SPOCK1: variants seen among roughly 807,000 people sequenced by gnomAD.
SPOCK1 encodes testican-1.
A neutral mutation model predicts 55.3 loss-of-function variants in SPOCK1; 23 were observed. The observed-to-expected ratio is 0.42, with a 90% CI of 0.30 to 0.59. The LOEUF is 0.59. SPOCK1 is among the 20% of genes least tolerant of loss of function. The probability of loss-of-function intolerance (pLI) is 0.22; values close to 1 mark genes in which losing one functional copy is unlikely to be tolerated. For synonymous variants in SPOCK1, 226 were observed against 221.0 expected (o/e 1.02, Z -0.20); for missense variants, 499 against 552.5 (o/e 0.90, Z 0.97).
At chr5:137,069,872 A>C (rs1319153470) in intron 5 of SPOCK1, among the ~76,000 whole-genome samples, 1 of 152,216 alleles carries the variant, frequency 6.6e-6, no homozygotes, top group Non-Finnish European at 1.5e-5. Flanking sequence ...TTTGTTTATC[A>C]TAAAGCCTTA....
chr5:137,462,553 C>A, intron 2 of SPOCK1, among the ~76,000 whole-genome samples: 1 of 152,128 alleles, frequency 6.6e-6, no homozygotes, highest in Non-Finnish European at 1.5e-5. Flanking sequence ...TCTGTATGAC[C>A]CAGGGCAAGT....
chr5:137,245,776 C>CAAAACA (rs1756381981), intron 3 of SPOCK1, among the ~76,000 whole-genome samples: 1 of 140,870 alleles, frequency 7.1e-6, no homozygotes, highest in African/African-American at 2.5e-5. Flanking sequence ...CAAAACAAAA[C>CAAAACA]AAAAAAAAAA....
chr5:137,110,035 T>C (rs1396639931), intron 5 of SPOCK1, among the ~76,000 whole-genome samples: 3 of 152,336 alleles, frequency 2.0e-5, no homozygotes, highest in Non-Finnish European at 2.9e-5. Flanking sequence ...CAACTGCAAG[T>C]GTTCAATAAG....
chr5:137,263,683 A>G (rs1756795227), intron 3 of SPOCK1, among the ~76,000 whole-genome samples: 1 of 152,002 alleles, frequency 6.6e-6, no homozygotes, highest in South Asian at 2.1e-4. Flanking sequence ...TCAATTCTGA[A>G]CTCCTGTCCA....
intron 2 of SPOCK1, among the ~76,000 whole-genome samples, chr5:137,401,437 G>A (rs1045902141): frequency 3.3e-5 from 5 of 151,550 alleles, no homozygotes; most frequent in African/African-American, 1.2e-4. Context: ...TGGGTATGGT[G>A]TATGGTGGGT....
At chr5:137,349,970 G>C (rs1750640669) in intron 2 of SPOCK1, among the ~76,000 whole-genome samples, 1 of 152,180 alleles carries the variant, frequency 6.6e-6, no homozygotes, top group Non-Finnish European at 1.5e-5. Flanking sequence ...ATAGCGTGGA[G>C]GGAAGGGGGA....
intron 3 of SPOCK1, among the ~76,000 whole-genome samples, chr5:137,183,670 A>G (rs1561464399): frequency 6.6e-6 from 1 of 152,230 alleles, no homozygotes; most frequent in African/African-American, 2.4e-5. Flanking sequence ...CCTGGAGAAC[A>G]CTAGAGGCAG....
rs909298943 is a variant in SPOCK1, at chr5:137,302,469, C to T, written c.187-35414G>A. ...GCACGCACCTGTAGTCCCAGCTACT[C>T]GGGAGGCTGAGGCAGGAGAATGGCA... On this transcript the variant is annotated intron_variant, in intron 2 of 10. Transcript: ENST00000394945. Among the ~76,000 whole-genome samples the T allele has an allele frequency of 3.3e-5, 5 of 151,308 alleles. No individual in the cohort carries two copies. The South Asian group carries it at 6.3e-4, about 19-fold the overall frequency.
intron 2 of SPOCK1, among the ~76,000 whole-genome samples, chr5:137,388,484 T>C (rs182350769): frequency 6.6e-6 from 1 of 152,336 alleles, no homozygotes; most frequent in Non-Finnish European, 1.5e-5. Flanking sequence ...CTATTTTTCC[T>C]GATATGCAGC....
intron 3 of SPOCK1, among the ~76,000 whole-genome samples, chr5:137,177,957 A>AT (rs753400387): frequency 8.5e-5 from 13 of 152,186 alleles, no homozygotes; most frequent in Non-Finnish European, 1.6e-4. Context: ...GACAAGGGAA[A>AT]TGGAAGGACC....
intron 2 of SPOCK1, among the ~76,000 whole-genome samples, chr5:137,334,753 T>C (rs1190356704): frequency 6.6e-6 from 1 of 152,222 alleles, no homozygotes; most frequent in East Asian, 1.9e-4. Context: ...TTGTAATCGC[T>C]GCCCTCTTGC....
At chr5:137,300,451 G>A (rs911835284) in intron 2 of SPOCK1, among the ~76,000 whole-genome samples, 14 of 152,132 alleles carry the variant, frequency 9.2e-5, no homozygotes, top group African/African-American at 3.1e-4. Flanking sequence ...AGAACATACT[G>A]TTGGCCACAA....
Position 136,978,809 on chromosome 5 carries a change from C to CA in SPOCK1, c.1164dup (p.Gly389TrpfsTer9). On this transcript the variant is annotated frameshift_variant, in exon 11 of 11. Transcript: ENST00000394945. LOFTEE classifies it high-confidence loss of function. ...TCATCCAGCAGGACCACGGACCCACCACTGCCAAAATCCCCTGAGGTTTCC... is the reference window on the plus strand; with the variant it reads ...TCATCCAGCAGGACCACGGACCCACCAACTGCCAAAATCCCCTGAGGTTTCC... The CA allele has an allele frequency of 6.2e-7, 1 of 1,612,866 alleles. No individual in the cohort carries two copies. Among genetic ancestry groups the CA allele is most frequent in the Non-Finnish European group, 8.5e-7 (1 of 1,179,562 alleles).
At chr5:136,994,951 G>A (rs984210834) in intron 6 of SPOCK1, among the ~76,000 whole-genome samples, 4 of 152,080 alleles carry the variant, frequency 2.6e-5, no homozygotes, top group African/African-American at 9.7e-5. Context: ...GTTGCGGTGA[G>A]CTGAGATTGT....
At position 136,977,518 on chromosome 5, in the gene SPOCK1, T is replaced by G; in HGVS notation, c.*1136A>C. 1 of 316,276 alleles carries G rather than the reference T, an allele frequency of 3.2e-6. No individual in the cohort carries two copies. The highest frequency in any genetic ancestry group is 5.7e-6 in the Non-Finnish European group (1 of 174,870). The allele number at this position is 316,276 out of a possible 1,614,324, so 19.6% of individuals were successfully genotyped here. On this transcript the variant is annotated 3_prime_UTR_variant, in exon 11 of 11. Coordinates refer to ENST00000394945, the MANE Select transcript of SPOCK1 (RefSeq NM_004598.4). ...AACATTGAGTTCAGAATTAGAAATT[T>G]TCTTCTTTTAAGGAACACCATGGTA...
chr5:137,325,404 C>T (rs1013919394), intron 2 of SPOCK1, among the ~76,000 whole-genome samples: 4 of 152,126 alleles, frequency 2.6e-5, no homozygotes, highest in Non-Finnish European at 4.4e-5. Context: ...GAACAAAGTA[C>T]CCCAACACCC....
At chr5:137,227,166 T>C (rs1755962406) in intron 3 of SPOCK1, among the ~76,000 whole-genome samples, 1 of 152,194 alleles carries the variant, frequency 6.6e-6, no homozygotes, top group Non-Finnish European at 1.5e-5. Context: ...TTTCTGTCTT[T>C]TGTGAACTAC....
At chr5:137,470,787 T>A (rs1164664369) in intron 2 of SPOCK1, among the ~76,000 whole-genome samples, 1 of 152,122 alleles carries the variant, frequency 6.6e-6, no homozygotes, top group Non-Finnish European at 1.5e-5. Flanking sequence ...CTGCCCTCTC[T>A]CCAGTACTAA....
At chr5:137,221,687 A>T (rs1391346646) in intron 3 of SPOCK1, among the ~76,000 whole-genome samples, 3 of 152,190 alleles carry the variant, frequency 2.0e-5, no homozygotes, top group Non-Finnish European at 4.4e-5. Context: ...ATGTGTTTAG[A>T]CTGTAACTAA....
Sources: allele counts gnomAD v4.1 joint callset (sites outside exome capture counted in the v4.1 genomes callset), GRCh38; gene constraint gnomAD v4.1.1; transcripts MANE v1.5; gene names NCBI Gene and HGNC (gene_info 2026-07-23, HGNC 2026-07-21).